Variants in AMZ1 observed in about 807,000 individuals in gnomAD.
AMZ1 encodes archaelysin family metallopeptidase 1.
Under a neutral mutation model 29.9 loss-of-function variants are expected in AMZ1, and 39 were observed. The ratio of observed to expected loss-of-function variants is 1.30; its 90% CI spans 1.01 to 1.70. AMZ1 has a LOEUF of 1.70. AMZ1 is among the 40% of genes most tolerant of loss of function. The pLI is 0.00. For missense variants in AMZ1, 1,041 were observed against 680.6 expected (o/e 1.53, Z -5.89); for synonymous variants, 458 against 304.0 (o/e 1.51, Z -5.27).
At chr7:2,702,524 C>T in intron 2 of AMZ1, 198 bp from the exon 3 acceptor site, 1 of 608,448 alleles carries the variant, frequency 1.6e-6, no homozygotes, top group Non-Finnish European at 2.8e-6. Flanking sequence ...AATCTTTCCT[C>T]TGTGTCCCTC....
intron 1 of AMZ1, among the ~76,000 whole-genome samples, chr7:2,691,584 T>C (rs1443817518): frequency 6.8e-6 from 1 of 147,260 alleles, no homozygotes; most frequent in Non-Finnish European, 1.5e-5. Context: ...CTACTAAAAA[T>C]ACAAAAATAA....
chr7:2,736,764 A>G (rs798521), intron 4 of AMZ1, among the ~76,000 whole-genome samples: 89,794 of 152,028 alleles, frequency 0.59, 26,744 homozygotes, highest in Admixed American at 0.63. Flanking sequence ...GCCGCTCAGA[A>G]CTCCGTCAGC....
chr7:2,738,496 C>T (rs576612084), intron 4 of AMZ1, among the ~76,000 whole-genome samples: 54 of 152,164 alleles, frequency 3.5e-4, no homozygotes, highest in Admixed American at 1.6e-3. Flanking sequence ...GCACAAGGCA[C>T]GAAACAACGC....
chr7:2,717,926 G>C lies in AMZ1; in HGVS notation c.*5048G>C, dbSNP rs559985494. On this transcript the variant is annotated 3_prime_UTR_variant, in exon 7 of 7. Coordinates refer to ENST00000683327, the MANE Select transcript of AMZ1 (RefSeq NM_001384743.1). ...TTCAGTCCAACTCTTCCCCGCTGCAGTGTTCCCGTGACGATGAGGCAAATC... is the reference window on the plus strand; with the variant it reads ...TTCAGTCCAACTCTTCCCCGCTGCACTGTTCCCGTGACGATGAGGCAAATC... Among the ~76,000 whole-genome samples, 3 of 152,222 alleles carry C rather than the reference G, an allele frequency of 2.0e-5. No individual in the cohort carries two copies. Among genetic ancestry groups the C allele is most frequent in the African/African-American group, 4.8e-5 (2 of 41,450 alleles).
At chr7:2,754,470 C>T (rs916130360) in intron 4 of AMZ1, among the ~76,000 whole-genome samples, 3 of 151,930 alleles carry the variant, frequency 2.0e-5, no homozygotes, top group Admixed American at 6.6e-5. Flanking sequence ...GGGCAGGGCA[C>T]GGTGGCTCAC....
chr7:2,704,211 C>A (rs867895356), intron 3 of AMZ1, among the ~76,000 whole-genome samples: 2 of 152,244 alleles, frequency 1.3e-5, no homozygotes, highest in Middle Eastern at 6.8e-3. Flanking sequence ...CTCTTAAACC[C>A]ATATATTGAG....
At chr7:2,721,492 G>A (rs1158107099), downstream of AMZ1, among the ~76,000 whole-genome samples, 1 of 152,146 alleles carries the variant, frequency 6.6e-6, no homozygotes, top group Non-Finnish European at 1.5e-5. Context: ...TGAGGTGGGT[G>A]GATCACGAGG....
rs376593044 is a variant in AMZ1 at position 2,693,387 on chromosome 7, ATTG to A, written c.-219+5101_-219+5103del. On this transcript the variant is annotated intron_variant, in intron 1 of 6. Transcript: ENST00000683327. ...TGAGCCACCGTGCCTGGTTGGTGGG[ATTG>A]TTGTTGTTGGACACAGGGTCTTGCT... Among the ~76,000 whole-genome samples, 179 of 150,522 alleles carry A rather than the reference ATTG, an allele frequency of 1.2e-3. 1 individual carries two copies. Among genetic ancestry groups the A allele is most frequent in the African/African-American group, 3.6e-3 (147 of 40,820 alleles).
chr7:2,689,020 G>C (rs578140728), intron 1 of AMZ1, among the ~76,000 whole-genome samples: 2 of 152,350 alleles, frequency 1.3e-5, no homozygotes, highest in South Asian at 4.1e-4. Flanking sequence ...GAAGCCAAGA[G>C]TCTGGCCCGG....
downstream of AMZ1, among the ~76,000 whole-genome samples, chr7:2,723,916 G>C (rs1031453410): frequency 2.0e-5 from 3 of 152,152 alleles, no homozygotes; most frequent in Non-Finnish European, 2.9e-5. Context: ...CTTCTGGCCA[G>C]ATTTTTTTTT....
chr7:2,733,376 C>T (rs1370674081), intron 4 of AMZ1: 12 of 1,223,324 alleles, frequency 9.8e-6, no homozygotes, highest in Admixed American at 2.0e-5. Flanking sequence ...GTCCTCACAA[C>T]GTGGACTGCT....
upstream of AMZ1, among the ~76,000 whole-genome samples, chr7:2,684,239 T>C (rs1345867711): frequency 6.6e-6 from 1 of 152,200 alleles, no homozygotes; most frequent in African/African-American, 2.4e-5. Flanking sequence ...AACCTCTTTC[T>C]GTCTCTTACA....
chr7:2,700,331 C>G lies in AMZ1; in HGVS notation c.-121C>G. On this transcript the variant is annotated 5_prime_UTR_variant, in exon 2 of 7. Transcript: ENST00000683327. The stretch of plus-strand genomic sequence containing the variant: ...TGGACCAGTGTCTGTCTGCAGGGAG[C>G]CCCCGGTAGCCACTCGGATCAGCCC... 8.6e-7 allele frequency: 1 copy of G among 1,165,202 alleles called. No homozygotes were observed. 72.2% of individuals were successfully genotyped at this position (1,165,202 alleles called of 1,614,324 possible).
intron 1 of AMZ1, among the ~76,000 whole-genome samples, chr7:2,695,995 C>T (rs1186365301): frequency 6.0e-5 from 8 of 134,124 alleles, no homozygotes; most frequent in South Asian, 2.4e-4. Flanking sequence ...GGTGACAGAG[C>T]GAAACTGTCT....
At chr7:2,694,472 T>A (rs1562359347) in intron 1 of AMZ1, among the ~76,000 whole-genome samples, 1 of 152,156 alleles carries the variant, frequency 6.6e-6, no homozygotes, top group Admixed American at 6.5e-5. Flanking sequence ...CTTATTTTAT[T>A]TTCATAGAGT....
intron 4 of AMZ1, among the ~76,000 whole-genome samples, chr7:2,737,289 G>GTTTTTTTTTT (rs11389467): frequency 1.6e-4 from 10 of 62,274 alleles, no homozygotes; most frequent in East Asian, 4.3e-4. Flanking sequence ...TTTTTTTTTT[G>GTTTTTTTTTT]TTTTTTTTTT....
chr7:2,684,755 AT>A (rs1357902223), upstream of AMZ1, among the ~76,000 whole-genome samples: 3 of 152,018 alleles, frequency 2.0e-5, no homozygotes, highest in African/African-American at 7.2e-5. Context: ...GGCACTGGGC[AT>A]GGCGCCACCC....
intron 4 of AMZ1, among the ~76,000 whole-genome samples, chr7:2,759,240 A>G (rs893639025): frequency 6.6e-6 from 1 of 152,190 alleles, no homozygotes. Context: ...CGCTGAAGAA[A>G]TAAGTCATAA....
chr7:2,695,197 A>C (rs1787636764), intron 1 of AMZ1, among the ~76,000 whole-genome samples: 1 of 152,062 alleles, frequency 6.6e-6, no homozygotes, highest in African/African-American at 2.4e-5. Flanking sequence ...TCGTCTGTGC[A>C]TCTGATGTTT....
Sources: allele counts gnomAD v4.1 joint callset (sites outside exome capture counted in the v4.1 genomes callset), GRCh38; gene constraint gnomAD v4.1.1; transcripts MANE v1.5; gene names NCBI Gene and HGNC (gene_info 2026-07-23, HGNC 2026-07-21).